The following TNRC6C variants were observed in gnomAD, a reference collection of about 807,000 sequenced individuals.
The protein encoded by TNRC6C is trinucleotide repeat containing adaptor 6C, also known as trinucleotide repeat-containing gene 6C protein.
A neutral mutation model predicts 153.7 loss-of-function variants in TNRC6C; 20 were observed. The observed-to-expected ratio is 0.13, with a 90% CI of 0.09 to 0.19. TNRC6C has a LOEUF of 0.19. Ranked by LOEUF, TNRC6C falls within the 10% of genes least tolerant of loss-of-function variation. TNRC6C has a pLI of 1.00. For synonymous variants in TNRC6C, 811 were observed against 841.4 expected (o/e 0.96, Z 0.63); for missense variants, 1,987 against 2,172.0 (o/e 0.91, Z 1.69).
At chr17:78,011,874 C>T (rs964404988) in intron 1 of TNRC6C, 1 of 152,220 alleles carries the variant, frequency 6.6e-6, no homozygotes, top group Non-Finnish European at 1.5e-5. Flanking sequence ...TATCTCATTA[C>T]ACTTTTAATT....
chr17:78,094,140 C>G (rs2073441710), intron 16 of TNRC6C, among the ~76,000 whole-genome samples: 1 of 152,000 alleles, frequency 6.6e-6, no homozygotes, highest in South Asian at 2.1e-4. Context: ...TGCCACCATA[C>G]CAAGCTAATT....
At chr17:78,024,124 T>C (rs2071889035) in intron 1 of TNRC6C, among the ~76,000 whole-genome samples, 1 of 152,194 alleles carries the variant, frequency 6.6e-6, no homozygotes, top group South Asian at 2.1e-4. Context: ...CAAAAAAACC[T>C]TTTGAGGCAG....
chr17:78,025,506 G>A (rs2071924305), intron 1 of TNRC6C, among the ~76,000 whole-genome samples: 1 of 152,118 alleles, frequency 6.6e-6, no homozygotes, highest in Non-Finnish European at 1.5e-5. Flanking sequence ...CATCTTGGTT[G>A]CTTCCAGTTT....
intron 2 of TNRC6C, among the ~76,000 whole-genome samples, chr17:78,036,586 T>C (rs1292382260): frequency 6.6e-6 from 1 of 152,096 alleles, no homozygotes; most frequent in African/African-American, 2.4e-5. Flanking sequence ...AAAATGTATA[T>C]TTATATACTG....
rs776942557 is a variant in TNRC6C at position 78,049,877 on chromosome 17, C to T, written c.815C>T (p.Thr272Ile). ...GGGTTCAGTCAGGGGAATGGAGACA[C>T]TGTGAACTCAGCATTAAGTGCTAAA... is the stretch of plus-strand genomic sequence containing the variant. The change falls in exon 3 of 20, where the codon ACT becomes ATT. Residue 272 changes from threonine (T) to isoleucine (I), a missense_variant. Thr to Ile is a moderately conservative substitution (Grantham distance 89, BLOSUM62 -1). This residue lies in a region of TNRC6C where 1,052 missense variants were observed against 1,017.0 expected (regional missense o/e 1.03). Transcript: ENST00000301624. This position sits in a 1 kb window ranked among gnomAD's most constrained non-coding sequence, Gnocchi z 4.1. 23 of 1,613,956 alleles carry T rather than the reference C, an allele frequency of 1.4e-5. No individual in the cohort carries two copies. In the East Asian group the frequency reaches 2.2e-4, roughly 16 times the overall value.
chr17:77,974,010 T>G lies in TNRC6C; in HGVS notation c.-38+14742T>G, dbSNP rs966187581. 3.1e-5 allele frequency among the ~76,000 whole-genome samples: 4 copies of G among 129,776 alleles called. No individual in the cohort carries two copies. The South Asian group carries it at 9.1e-4, about 30-fold the overall frequency. The allele number at this position is 129,776 out of a possible 152,430, so 85.1% of individuals were successfully genotyped here. A position where few individuals can be genotyped will look rare whatever the true frequency, so the allele number is the denominator to read the frequency against. On this transcript the variant is annotated intron_variant, in intron 1 of 22. Transcript: ENST00000636222. ...TAAATTGACAGGCCAATTCTAAAAT[T>G]TATGCAGAAATGCAAAAAGACCTGG...
chr17:77,998,155 C>T (rs951458794), intron 1 of TNRC6C, among the ~76,000 whole-genome samples: 2 of 152,146 alleles, frequency 1.3e-5, no homozygotes, highest in Non-Finnish European at 2.9e-5. Flanking sequence ...TGCACTGCCC[C>T]TTTGTGGCCA....
chr17:78,044,849 A>T (rs2072373863), intron 2 of TNRC6C, among the ~76,000 whole-genome samples: 1 of 152,152 alleles, frequency 6.6e-6, no homozygotes, highest in African/African-American at 2.4e-5. Flanking sequence ...TGAAAGGAAG[A>T]CTGTTACAAT....
rs2073067234 is a variant in TNRC6C, at chr17:78,075,400, AT to A, written c.3060+123del. On this transcript the variant is annotated intron_variant, in intron 8 of 19. Transcript: ENST00000301624. This position sits in a 1 kb window ranked among gnomAD's most constrained non-coding sequence, Gnocchi z 4.2. ...GGACTATAATACTTAAGTGACTTTT[AT>A]CCATTTTTTTCTAACATTATGAACA... 1.7e-6 allele frequency: 2 copies of A among 1,205,464 alleles called. No individual in the cohort carries two copies. The highest frequency in any genetic ancestry group is 2.3e-6 in the Non-Finnish European group (2 of 885,264). The allele number at this position is 1,205,464 out of a possible 1,614,324, so 74.7% of individuals were successfully genotyped here.
At chr17:78,099,248 C>T (rs1469757385) in intron 17 of TNRC6C, among the ~76,000 whole-genome samples, 1 of 152,172 alleles carries the variant, frequency 6.6e-6, no homozygotes, top group Non-Finnish European at 1.5e-5. Context: ...ATTGAGGCTA[C>T]AGTGAGCTAT....
At chr17:77,996,924 G>C (rs571741576) in intron 1 of TNRC6C, among the ~76,000 whole-genome samples, 1 of 152,290 alleles carries the variant, frequency 6.6e-6, no homozygotes, top group African/African-American at 2.4e-5. Context: ...AGGAAGCTGA[G>C]TGGCAGAGTA....
Position 78,080,510 on chromosome 17 carries a change from A to G in TNRC6C, c.3357+969A>G, listed in dbSNP as rs539017579. On this transcript the variant is annotated intron_variant, in intron 10 of 19. Coordinates refer to ENST00000301624, the Ensembl canonical transcript of TNRC6C. ...AAGGAAAAGGATATTGCTGTTTGGC[A>G]TGGCTCTGAGGCCTAATATATATCA... Among the ~76,000 whole-genome samples the G allele has an allele frequency of 1.7e-4, 26 of 152,356 alleles. 1 individual carries two copies. The South Asian group carries it at 5.4e-3, about 32-fold the overall frequency.
At chr17:77,991,070 CAA>C (rs1257836161) in intron 1 of TNRC6C, among the ~76,000 whole-genome samples, 2 of 152,138 alleles carry the variant, frequency 1.3e-5, no homozygotes, top group Non-Finnish European at 2.9e-5. Flanking sequence ...TATTTTATAA[CAA>C]ATTCATTCTG....
intron 1 of TNRC6C, among the ~76,000 whole-genome samples, chr17:78,026,300 C>G (rs558641127): frequency 2.6e-5 from 4 of 152,070 alleles, no homozygotes; most frequent in South Asian, 2.1e-4. Context: ...TGCCAAATAC[C>G]GGGTACTGTG....
chr17:78,099,708 C>T (rs930820736), intron 17 of TNRC6C, among the ~76,000 whole-genome samples: 2 of 152,128 alleles, frequency 1.3e-5, no homozygotes, highest in African/African-American at 2.4e-5. Context: ...TGCCCCTGAC[C>T]CCTCCCAAAT....
chr17:78,048,589 C>T (rs186468402), intron 2 of TNRC6C, among the ~76,000 whole-genome samples: 6 of 152,306 alleles, frequency 3.9e-5, no homozygotes, highest in African/African-American at 1.2e-4. Flanking sequence ...TGCTAACGTG[C>T]ATTGTGAGTA....
chr17:77,968,124 T>C (rs55824346), intron 1 of TNRC6C, among the ~76,000 whole-genome samples: 12,550 of 152,122 alleles, frequency 0.082, 1,353 homozygotes, highest in African/African-American at 0.26. Flanking sequence ...CCTCTGCCTC[T>C]CAGGTTCAAG....
chr17:78,008,441 C>T (rs1026913471), intron 1 of TNRC6C: 1 of 152,226 alleles, frequency 6.6e-6, no homozygotes, highest in African/African-American at 2.4e-5. Flanking sequence ...CCATCCTACC[C>T]TGATGTGATC....
intron 1 of TNRC6C, among the ~76,000 whole-genome samples, chr17:77,971,631 A>T (rs1051311220): frequency 1.2e-4 from 18 of 152,108 alleles, no homozygotes; most frequent in African/African-American, 4.3e-4. Flanking sequence ...TAGAACTAAT[A>T]TCGAGCCTTC....
Sources: allele counts gnomAD v4.1 joint callset (sites outside exome capture counted in the v4.1 genomes callset), GRCh38; gene constraint gnomAD v4.1.1; regional missense constraint gnomAD v4.1.1; non-coding constraint Gnocchi (gnomAD v3.1); transcripts MANE v1.5; gene names NCBI Gene and HGNC (gene_info 2026-07-23, HGNC 2026-07-21).